IREB2: variants seen among roughly 807,000 people sequenced by gnomAD.
IREB2 encodes iron responsive element binding protein 2, also known as iron-responsive element-binding protein 2.
IREB2 carries 39 observed loss-of-function variants against 118.8 expected under a neutral mutation model. That is an observed-to-expected ratio of 0.33 (90% CI 0.25 to 0.43). The LOEUF is 0.43. Ranked by LOEUF, IREB2 falls within the 20% of genes least tolerant of loss-of-function variation. The pLI, the probability that IREB2 is intolerant of heterozygous loss-of-function variation, is 1.00. For missense variants in IREB2, 900 were observed against 1,147.3 expected (o/e 0.78, Z 3.11); for synonymous variants, 372 against 392.2 (o/e 0.95, Z 0.61).
intron 21 of IREB2, among the ~76,000 whole-genome samples, chr15:78,497,543 G>A (rs1387227402): frequency 6.6e-6 from 1 of 152,042 alleles, no homozygotes; most frequent in African/African-American, 2.4e-5. Flanking sequence ...ACATGAAGGG[G>A]AATCTTGACT....
At chr15:78,475,997 C>A in intron 8 of IREB2, 191 bp from the exon 9 acceptor site, 2 of 421,522 alleles carry the variant, frequency 4.7e-6, no homozygotes, top group Non-Finnish European at 8.4e-6. Flanking sequence ...GACATTGGAC[C>A]AGTCTTCTCT....
rs1289710602 is a variant in IREB2 at position 78,499,493 on chromosome 15, G to T, written c.*1350G>T. The T allele has an allele frequency of 1.3e-5, 2 of 152,058 alleles. No homozygotes were observed. Among genetic ancestry groups the T allele is most frequent in the African/African-American group, 4.8e-5 (2 of 41,404 alleles). 9.4% of individuals were successfully genotyped at this position (152,058 alleles called of 1,614,324 possible). A position where few individuals can be genotyped will look rare whatever the true frequency, so the allele number is the denominator to read the frequency against. On this transcript the variant is annotated 3_prime_UTR_variant, in exon 22 of 22. Coordinates refer to ENST00000258886, the MANE Select transcript of IREB2 (RefSeq NM_004136.4). ...TCAGAATTAGTTCACATTGCATAAAGAATTACTTGTTGTAAGCAAAATGCT... is the reference window on the plus strand; with the variant it reads ...TCAGAATTAGTTCACATTGCATAAATAATTACTTGTTGTAAGCAAAATGCT...
At chr15:78,476,946 CT>C (rs985066070) in intron 9 of IREB2, among the ~76,000 whole-genome samples, 3 of 152,196 alleles carry the variant, frequency 2.0e-5, no homozygotes, top group South Asian at 4.1e-4. Flanking sequence ...AGTAAGATCT[CT>C]TTTTTTAATC....
At chr15:78,480,560 G>GT in intron 10 of IREB2, among the ~76,000 whole-genome samples, 1 of 151,490 alleles carries the variant, frequency 6.6e-6, no homozygotes, top group African/African-American at 2.4e-5. Flanking sequence ...GTGGTGGTGG[G>GT]GGCCTGTAAT....
At position 78,498,420 on chromosome 15, in the gene IREB2, C is replaced by G; in HGVS notation, c.*277C>G. The G allele has an allele frequency of 4.6e-6, 1 of 215,124 alleles. No homozygotes were observed. Among genetic ancestry groups the G allele is most frequent in the Admixed American group, 5.8e-5 (1 of 17,320 alleles). The allele number at this position is 215,124 out of a possible 1,614,324, so 13.3% of individuals were successfully genotyped here. Reference sequence around the variant, plus strand: ...GGGGGGGGGCGATATTTTATCAGACCATTTTGTAAATAAAGGCAGAATTTG... The same window carrying G: ...GGGGGGGGGCGATATTTTATCAGACGATTTTGTAAATAAAGGCAGAATTTG... On this transcript the variant is annotated 3_prime_UTR_variant, in exon 22 of 22. Transcript: ENST00000258886.
intron 2 of IREB2, among the ~76,000 whole-genome samples, chr15:78,441,630 A>C (rs761428137): frequency 6.6e-6 from 1 of 152,226 alleles, no homozygotes; most frequent in Non-Finnish European, 1.5e-5. Flanking sequence ...AAATTTAAGG[A>C]ATCAGTAGGA....
chr15:78,441,873 A>G (rs952771904), intron 2 of IREB2, among the ~76,000 whole-genome samples: 1 of 152,150 alleles, frequency 6.6e-6, no homozygotes, highest in African/African-American at 2.4e-5. Context: ...ATGTGGGGTC[A>G]GTACCCTGGT....
chr15:78,456,128 CA>C (rs1357254207), intron 2 of IREB2, among the ~76,000 whole-genome samples: 1 of 152,084 alleles, frequency 6.6e-6, no homozygotes, highest in East Asian at 1.9e-4. Flanking sequence ...GTCAGACAAG[CA>C]GAACTGATTT....
Position 78,462,922 on chromosome 15 carries a change from A to T in IREB2, c.107A>T (p.Asp36Val). Residue 36 changes from aspartate to valine, a missense_variant and splice_region_variant, in exon 3 of 22, where the codon GAT (aspartate) becomes GTT (valine). By Grantham distance (152) the Asp-to-Val change is radical. Coordinates refer to ENST00000258886, the MANE Select transcript of IREB2 (RefSeq NM_004136.4). The stretch of plus-strand genomic sequence containing the variant: ...TAATAGTAATATTTTCTTGAATCAG[A>T]TGTTCTGCCTTACTCAATACGGGTC... ...FDVSKLGTKY[D>V]VLPYSIRVLL... 1.9e-6 allele frequency: 3 copies of T among 1,577,558 alleles called. No homozygotes were observed. The highest frequency in any genetic ancestry group is 2.6e-6 in the Non-Finnish European group (3 of 1,166,866).
At chr15:78,455,672 G>A (rs2051094221) in intron 2 of IREB2, among the ~76,000 whole-genome samples, 1 of 152,074 alleles carries the variant, frequency 6.6e-6, no homozygotes, top group Admixed American at 6.6e-5. Context: ...ATATCTACCT[G>A]TAGGTTTAAT....
intron 15 of IREB2, 28 bp downstream of exon 15, chr15:78,488,364 C>G: frequency 6.7e-7 from 1 of 1,489,576 alleles, no homozygotes. Flanking sequence ...TATATGTATA[C>G]CTACACATAC....
At chr15:78,457,905 T>A (rs996566539) in intron 2 of IREB2, among the ~76,000 whole-genome samples, 1 of 152,198 alleles carries the variant, frequency 6.6e-6, no homozygotes, top group Non-Finnish European at 1.5e-5. Context: ...AAAAAATTTT[T>A]CCCCTGTAAT....
intron 5 of IREB2, among the ~76,000 whole-genome samples, chr15:78,468,037 A>G (rs774644685): frequency 6.6e-6 from 1 of 152,004 alleles, no homozygotes; most frequent in South Asian, 2.1e-4. Context: ...TTTTTTCTGT[A>G]TACAGGGGGT....
intron 12 of IREB2, 93 bp downstream of exon 12, chr15:78,485,013 G>C (rs2051636884): frequency 8.8e-7 from 1 of 1,139,764 alleles, no homozygotes; most frequent in African/African-American, 1.5e-5. Flanking sequence ...TGATGCATGA[G>C]TGTCTACATT....
intron 2 of IREB2, among the ~76,000 whole-genome samples, chr15:78,450,532 C>T (rs1398950033): frequency 6.6e-6 from 1 of 152,070 alleles, no homozygotes; most frequent in Non-Finnish European, 1.5e-5. Flanking sequence ...AGGCAGGGAT[C>T]TGATGATCAG....
rs927198096 is a variant in IREB2 at position 78,498,712 on chromosome 15, C to G, written c.*569C>G. The G allele has an allele frequency of 2.0e-5, 3 of 152,536 alleles. No individual in the cohort carries two copies. The highest frequency in any genetic ancestry group is 7.2e-5 in the African/African-American group (3 of 41,422). 9.4% of individuals were successfully genotyped at this position (152,536 alleles called of 1,614,324 possible). ...CTTAGTCTAACTGCAAGGGATGGAA[C>G]CTGCCCCAGGTCACAATCATTCTGT... On this transcript the variant is annotated 3_prime_UTR_variant, in exon 22 of 22. Transcript: ENST00000258886.
At chr15:78,468,185 T>C (rs191594396) in intron 5 of IREB2, among the ~76,000 whole-genome samples, 3 of 152,288 alleles carry the variant, frequency 2.0e-5, no homozygotes, top group Admixed American at 6.5e-5. Context: ...TTATGTGAAT[T>C]GTTTTTGTCT....
At chr15:78,458,805 T>C (rs1019955919) in intron 2 of IREB2, among the ~76,000 whole-genome samples, 1 of 152,184 alleles carries the variant, frequency 6.6e-6, no homozygotes. Flanking sequence ...TCAATAAATA[T>C]ATTCGTTTTG....
intron 18 of IREB2, among the ~76,000 whole-genome samples, chr15:78,493,146 G>T (rs79467115): frequency 5.9e-4 from 90 of 152,194 alleles, no homozygotes; most frequent in African/African-American, 2.1e-3. Context: ...ATGATTCATG[G>T]AGATGCAGTC....
Sources: allele counts gnomAD v4.1 joint callset (sites outside exome capture counted in the v4.1 genomes callset), GRCh38; gene constraint gnomAD v4.1.1; transcripts MANE v1.5; gene names NCBI Gene and HGNC (gene_info 2026-07-23, HGNC 2026-07-21).